Variants in NEBL observed in about 807,000 individuals in gnomAD.
NEBL encodes the protein nebulette.
NEBL carries 122 observed loss-of-function variants against 140.2 expected under a neutral mutation model. The ratio of observed to expected loss-of-function variants is 0.87; its 90% CI spans 0.75 to 1.01. NEBL has a LOEUF of 1.01. Ranked by LOEUF, NEBL falls within the 50% of genes least tolerant of loss-of-function variation. The pLI is 0.00. For synonymous variants in NEBL, 436 were observed against 398.9 expected (o/e 1.09, Z -1.11); for missense variants, 1,365 against 1,231.3 (o/e 1.11, Z -1.62).
At chr10:20,866,363 A>G (rs1336601421) in intron 7 of NEBL, among the ~76,000 whole-genome samples, 1 of 152,134 alleles carries the variant, frequency 6.6e-6, no homozygotes, top group Non-Finnish European at 1.5e-5. Context: ...AACGGTTCAG[A>G]TGGTAAATTT....
At chr10:21,144,483 T>C (rs1332846108) in intron 2 of NEBL, among the ~76,000 whole-genome samples, 1 of 152,198 alleles carries the variant, frequency 6.6e-6, no homozygotes, top group African/African-American at 2.4e-5. Context: ...CCCAGCACTT[T>C]GGGAGGCCGA....
intron 21 of NEBL, among the ~76,000 whole-genome samples, chr10:20,816,117 C>T (rs1022381244): frequency 1.9e-4 from 29 of 152,016 alleles, no homozygotes; most frequent in African/African-American, 6.8e-4. Flanking sequence ...TAGGAAACTA[C>T]AAAAAATATT....
At chr10:21,220,411 A>T (rs569913047) in intron 3 of NEBL, among the ~76,000 whole-genome samples, 1 of 152,234 alleles carries the variant, frequency 6.6e-6, no homozygotes, top group Non-Finnish European at 1.5e-5. Flanking sequence ...GACAATCTTG[A>T]CAATAAATGG....
chr10:20,872,477 T>C (rs1038820663), intron 5 of NEBL, among the ~76,000 whole-genome samples: 15 of 152,092 alleles, frequency 9.9e-5, no homozygotes, highest in Admixed American at 9.8e-4. Context: ...TGAATATATA[T>C]GGAATGGCAA....
At chr10:21,183,524 A>G (rs1841417368) in intron 3 of NEBL, among the ~76,000 whole-genome samples, 1 of 152,180 alleles carries the variant, frequency 6.6e-6, no homozygotes, top group South Asian at 2.1e-4. Context: ...GTGAACAAAA[A>G]CCAAGAGTCT....
chr10:21,184,405 C>A (rs1841432217), intron 3 of NEBL, among the ~76,000 whole-genome samples: 1 of 152,198 alleles, frequency 6.6e-6, no homozygotes, highest in Non-Finnish European at 1.5e-5. Context: ...ACTCATCAAA[C>A]AAGCATGGAG....
At position 21,127,397 on chromosome 10, in the gene NEBL, A is replaced by G. The variant is rs1219584095; in HGVS notation, c.164+44986T>C. ...AGTCCATTGCAAAAACCATTACTTA[A>G]GGTAATGTATGGCTGATGAGGAACC... is the stretch of plus-strand genomic sequence containing the variant. On this transcript the variant is annotated intron_variant, in intron 2 of 6. Transcript: ENST00000417816. 2.0e-5 allele frequency among the ~76,000 whole-genome samples: 3 copies of G among 152,190 alleles called. No homozygotes were observed. The East Asian group carries it at 5.8e-4, about 29-fold the overall frequency.
chr10:20,842,030 T>C (rs1051249426), intron 12 of NEBL, among the ~76,000 whole-genome samples: 1 of 152,138 alleles, frequency 6.6e-6, no homozygotes, highest in Non-Finnish European at 1.5e-5. Flanking sequence ...AAATATCTTA[T>C]TCCTATTCAA....
intron 3 of NEBL, chr10:20,961,793 G>C: frequency 6.3e-7 from 1 of 1,598,158 alleles, no homozygotes; most frequent in Non-Finnish European, 8.6e-7. Context: ...ACAAGAAGGG[G>C]GAAAAGAAAA....
At chr10:21,174,479 C>T (rs1274306405), upstream of NEBL, 11 of 152,488 alleles carry the variant, frequency 7.2e-5, no homozygotes, top group Non-Finnish European at 1.5e-4. Flanking sequence ...TTCTCTTCCC[C>T]AGCCGGGGGC....
At chr10:20,812,997 A>C in intron 23 of NEBL, 57 bp from the exon 24 acceptor site, 5 of 1,438,618 alleles carry the variant, frequency 3.5e-6, no homozygotes, top group Non-Finnish European at 4.9e-6. Flanking sequence ...CTTTCACAAC[A>C]TTTTTATTAA....
At chr10:21,251,423 G>GA (rs1478632192) in intron 2 of NEBL, among the ~76,000 whole-genome samples, 3 of 152,122 alleles carry the variant, frequency 2.0e-5, no homozygotes, top group African/African-American at 7.2e-5. Context: ...TCTTTCAGAT[G>GA]AATGTTCAGT....
intron 1 of NEBL, among the ~76,000 whole-genome samples, chr10:21,276,855 G>A (rs956391537): frequency 1.3e-5 from 2 of 152,162 alleles, no homozygotes; most frequent in African/African-American, 4.8e-5. Flanking sequence ...GGTAATCCCA[G>A]CTACTTGTGA....
At chr10:21,145,091 A>G (rs967480822) in intron 2 of NEBL, among the ~76,000 whole-genome samples, 2 of 152,174 alleles carry the variant, frequency 1.3e-5, no homozygotes, top group Non-Finnish European at 2.9e-5. Context: ...TAACACAACC[A>G]TTAGATATTA....
intron 2 of NEBL, among the ~76,000 whole-genome samples, chr10:21,147,990 C>T (rs770474429): frequency 1.6e-4 from 25 of 152,112 alleles, no homozygotes; most frequent in African/African-American, 5.1e-4. Flanking sequence ...CGGAACTCTT[C>T]GTTATCTTAT....
intron 2 of NEBL, among the ~76,000 whole-genome samples, chr10:21,064,674 T>C (rs1022010979): frequency 3.3e-5 from 5 of 152,122 alleles, no homozygotes; most frequent in African/African-American, 1.2e-4. Flanking sequence ...TTTTGAAAAA[T>C]AGTACAAGCC....
chr10:21,166,244 AAGAAAAGAAAAAAAAAT>A (rs1340560513), intron 2 of NEBL, among the ~76,000 whole-genome samples: 3 of 102,610 alleles, frequency 2.9e-5, no homozygotes, highest in African/African-American at 1.5e-4. Flanking sequence ...AAAAAAAAAA[AAGAAAAGAAAAAAAAAT>A]TTTCTACATC....
At chr10:20,814,661 T>C (rs1187577276) in intron 22 of NEBL, among the ~76,000 whole-genome samples, 5 of 150,852 alleles carry the variant, frequency 3.3e-5, no homozygotes. Context: ...ATATTTAAGT[T>C]AAACAGAGAA....
chr10:20,938,282 A>T (rs947199647), intron 4 of NEBL, among the ~76,000 whole-genome samples: 1 of 152,180 alleles, frequency 6.6e-6, no homozygotes, highest in Non-Finnish European at 1.5e-5. Flanking sequence ...GCTGCTCACC[A>T]ATGTCTGCTG....
Sources: allele counts gnomAD v4.1 joint callset (sites outside exome capture counted in the v4.1 genomes callset), GRCh38; gene constraint gnomAD v4.1.1; transcripts MANE v1.5; gene names NCBI Gene and HGNC (gene_info 2026-07-23, HGNC 2026-07-21).